Variants in QRFPR observed in about 807,000 individuals in gnomAD.
The protein encoded by QRFPR is pyroglutamylated RFamide peptide receptor, also known as pyroglutamylated RF-amide peptide receptor.
Under a neutral mutation model 31.3 loss-of-function variants are expected in QRFPR, and 37 were observed. The observed-to-expected ratio is 1.18, with a 90% CI of 0.91 to 1.56. The LOEUF is 1.56. Ranked by LOEUF, QRFPR falls within the 40% of genes most tolerant of loss-of-function variation. QRFPR has a pLI of 0.00. For missense variants in QRFPR, 542 were observed against 532.5 expected (o/e 1.02, Z -0.18); for synonymous variants, 197 against 192.0 (o/e 1.03, Z -0.22).
At chr4:121,338,874 C>T (rs1186355979) in intron 2 of QRFPR, among the ~76,000 whole-genome samples, 1 of 152,228 alleles carries the variant, frequency 6.6e-6, no homozygotes, top group African/African-American at 2.4e-5. Context: ...CGCTACTTCT[C>T]TTTCCTTTTA....
chr4:121,372,300 A>T (rs1279149776), intron 1 of QRFPR, among the ~76,000 whole-genome samples: 4 of 152,122 alleles, frequency 2.6e-5, no homozygotes, highest in Non-Finnish European at 5.9e-5. Flanking sequence ...TATGGGTAAG[A>T]CAGCAAGGCC....
chr4:121,330,381 G>T, intron 5 of QRFPR, 45 bp downstream of exon 5: 1 of 1,292,442 alleles, frequency 7.7e-7, no homozygotes, highest in Non-Finnish European at 1.1e-6. Context: ...ATTCTAGCAG[G>T]AAATGAATGA....
chr4:121,351,112 T>G (rs1008511106), intron 1 of QRFPR, among the ~76,000 whole-genome samples: 3 of 152,180 alleles, frequency 2.0e-5, no homozygotes, highest in African/African-American at 7.2e-5. Context: ...AAGACAGCTT[T>G]CCTCAACTGT....
chr4:121,348,631 A>G (rs1364190303), intron 1 of QRFPR, among the ~76,000 whole-genome samples: 1 of 152,158 alleles, frequency 6.6e-6, no homozygotes, highest in African/African-American at 2.4e-5. Context: ...CTTCAAAATA[A>G]TAAGGAAAGT....
chr4:121,369,840 C>T (rs1441748711), intron 1 of QRFPR: 10 of 1,002,386 alleles, frequency 1.0e-5, no homozygotes, highest in Non-Finnish European at 1.6e-5. Flanking sequence ...AGGGCTGATG[C>T]AGGTGGCCTC....
chr4:121,361,397 A>G (rs975402817), intron 1 of QRFPR, among the ~76,000 whole-genome samples: 1 of 150,140 alleles, frequency 6.7e-6, no homozygotes, highest in Non-Finnish European at 1.5e-5. Flanking sequence ...CTTCTATGAT[A>G]TTATAGATAA....
intron 1 of QRFPR, among the ~76,000 whole-genome samples, chr4:121,341,769 T>C (rs1725547089): frequency 2.0e-5 from 3 of 152,102 alleles, no homozygotes; most frequent in Admixed American, 2.0e-4. Flanking sequence ...TCCCAAAAAA[T>C]CTGAAATCTG....
At chr4:121,341,317 C>T (rs1414387439) in intron 1 of QRFPR, among the ~76,000 whole-genome samples, 1 of 152,176 alleles carries the variant, frequency 6.6e-6, no homozygotes, top group Non-Finnish European at 1.5e-5. Context: ...TGAACCCATG[C>T]TGCTTGCTGC....
At chr4:121,357,673 C>T (rs189945956) in intron 1 of QRFPR, among the ~76,000 whole-genome samples, 16 of 152,274 alleles carry the variant, frequency 1.1e-4, no homozygotes, top group Admixed American at 3.9e-4. Flanking sequence ...ATATTTAGAT[C>T]CACTCTGAAA....
chr4:121,334,834 C>T (rs1018830723), intron 3 of QRFPR, among the ~76,000 whole-genome samples: 1 of 152,162 alleles, frequency 6.6e-6, no homozygotes, highest in Non-Finnish European at 1.5e-5. Context: ...TTGTATCATC[C>T]CTGTGATAAG....
At position 121,369,975 on chromosome 4, in the gene QRFPR, C is replaced by A. The variant is rs114117550; in HGVS notation, c.340+10333G>T. On this transcript the variant is annotated intron_variant, in intron 1 of 5. Coordinates refer to ENST00000394427, the MANE Select transcript of QRFPR (RefSeq NM_198179.3). ...TGTAGCCAGGATCTCTCAGCCCTGC[C>A]TGTTGCCCAAAATGCTGAAAGCTTT... The A allele has an allele frequency of 4.9e-3, 3,734 of 765,396 alleles. 20 individuals carry two copies. Among genetic ancestry groups the A allele is most frequent in the Non-Finnish European group, 5.7e-3 (2,330 of 411,918 alleles). The allele number at this position is 765,396 out of a possible 1,614,324, so 47.4% of individuals were successfully genotyped here.
intron 1 of QRFPR, among the ~76,000 whole-genome samples, chr4:121,351,118 ACTGT>A (rs1019455076): frequency 2.0e-5 from 3 of 152,216 alleles, no homozygotes; most frequent in Non-Finnish European, 4.4e-5. Flanking sequence ...GCTTTCCTCA[ACTGT>A]CTGACAATCC....
rs543079281 is a variant in QRFPR, at chr4:121,361,318, C to T, written c.340+18990G>A. On this transcript the variant is annotated intron_variant, in intron 1 of 5. Coordinates refer to ENST00000394427, the MANE Select transcript of QRFPR (RefSeq NM_198179.3). ...GTGATAGTGTATTACATTCTGCACC[C>T]TCCTTGGTATAATGATGATGTGGAA... 2.0e-5 allele frequency among the ~76,000 whole-genome samples: 3 copies of T among 150,104 alleles called. No homozygotes were observed. The East Asian group carries it at 6.0e-4, about 30-fold the overall frequency.
intron 4 of QRFPR, 137 bp from the exon 5 acceptor site, chr4:121,330,660 G>A: frequency 1.6e-6 from 1 of 629,192 alleles, no homozygotes. Flanking sequence ...GTTATTCGTG[G>A]GCTGATTATC....
chr4:121,331,101 A>G (rs1725312328), intron 4 of QRFPR, among the ~76,000 whole-genome samples: 1 of 151,022 alleles, frequency 6.6e-6, no homozygotes, highest in Non-Finnish European at 1.5e-5. Context: ...ACGCATCTCT[A>G]CCAAAAAAAA....
At chr4:121,357,497 A>G (rs999721986) in intron 1 of QRFPR, among the ~76,000 whole-genome samples, 23 of 152,176 alleles carry the variant, frequency 1.5e-4, no homozygotes, top group Non-Finnish European at 2.5e-4. Flanking sequence ...TACCAGTTAC[A>G]TTTTCAGCAG....
intron 1 of QRFPR, among the ~76,000 whole-genome samples, chr4:121,347,335 A>C (rs1457365115): frequency 6.6e-6 from 1 of 152,130 alleles, no homozygotes; most frequent in Non-Finnish European, 1.5e-5. Flanking sequence ...TGGGGGCACT[A>C]CCATCTCTAA....
chr4:121,347,145 G>C (rs1046112292), intron 1 of QRFPR, among the ~76,000 whole-genome samples: 30 of 151,880 alleles, frequency 2.0e-4, no homozygotes, highest in African/African-American at 7.0e-4. Context: ...AAATCACCTG[G>C]GTTTGGAAAT....
chr4:121,342,515 C>T (rs1022046125), intron 1 of QRFPR, among the ~76,000 whole-genome samples: 1 of 152,220 alleles, frequency 6.6e-6, no homozygotes, highest in Non-Finnish European at 1.5e-5. Context: ...GTAACTGAGC[C>T]TGTCCCATTC....
Sources: allele counts gnomAD v4.1 joint callset (sites outside exome capture counted in the v4.1 genomes callset), GRCh38; gene constraint gnomAD v4.1.1; transcripts MANE v1.5; gene names NCBI Gene and HGNC (gene_info 2026-07-23, HGNC 2026-07-21).